SAMD8: variants seen among roughly 807,000 people sequenced by gnomAD.
SAMD8 encodes sphingomyelin synthase-related protein 1.
Under a neutral mutation model 42.0 loss-of-function variants are expected in SAMD8, and 20 were observed. The observed-to-expected ratio is 0.48, with a 90% CI of 0.34 to 0.69. The LOEUF (loss-of-function observed/expected upper bound fraction) is 0.69, where lower values mean the gene tolerates loss of function less well. Among genes scored for constraint, SAMD8 ranks in the 30% least tolerant of loss-of-function variants. SAMD8 has a pLI of 0.01. For synonymous variants in SAMD8, 162 were observed against 173.0 expected, an observed-to-expected ratio of 0.94 and a Z score of 0.50; for missense variants, 328 against 511.6, an observed-to-expected ratio of 0.64 and a Z score of 3.46.
rs200604495 is a variant in SAMD8 at position 75,168,543 on chromosome 10, C to T, written c.677C>T (p.Ser226Leu). Residue 226 changes from serine to leucine, a missense_variant and splice_region_variant, in exon 4 of 6, where the codon TCA becomes TTA. Transcript: ENST00000542569. The part of the protein sequence containing the change: ...LLVLLLHKHR[S>L]ILLRRLCSLM... ...CCTTTTTGGTTGATCTGTTACAGGT[C>T]AATACTTCTGCGAAGGCTCTGTAGT... 1 of 1,612,726 alleles carries T rather than the reference C, an allele frequency of 6.2e-7. No individual in the cohort carries two copies. Among genetic ancestry groups the T allele is most frequent in the African/African-American group, 1.3e-5 (1 of 74,960 alleles).
rs111959643 is a variant in SAMD8, at chr10:75,100,476, G to A, written c.-16+748G>A. Among the ~76,000 whole-genome samples the A allele has an allele frequency of 3.5e-3, 539 of 152,292 alleles. 2 individuals are homozygous for A. The highest frequency in any genetic ancestry group is 0.012 in the African/African-American group (514 of 41,562). Reference sequence around the variant, plus strand: ...TCCCTCCCAAGGAGGGGAAGTCGGTGGTTGTGGCAGCTCCGCCGGTTTCTG... The same window carrying A: ...TCCCTCCCAAGGAGGGGAAGTCGGTAGTTGTGGCAGCTCCGCCGGTTTCTG... On this transcript the variant is annotated intron_variant, in intron 1 of 3. Coordinates refer to the SAMD8 transcript ENST00000447533.
intron 1 of SAMD8, chr10:75,105,685 C>A: frequency 6.5e-7 from 1 of 1,549,454 alleles, no homozygotes; most frequent in Non-Finnish European, 8.7e-7. Flanking sequence ...CTGGCCGGCA[C>A]CCCGCAGTTG....
At chr10:75,173,590 A>G (rs1051127094) in intron 4 of SAMD8, among the ~76,000 whole-genome samples, 5 of 152,176 alleles carry the variant, frequency 3.3e-5, no homozygotes, top group Non-Finnish European at 4.4e-5. Flanking sequence ...TTTATTTACT[A>G]CATGATTTTT....
chr10:75,129,894 A>T (rs1048232515), intron 1 of SAMD8, among the ~76,000 whole-genome samples: 3 of 152,182 alleles, frequency 2.0e-5, no homozygotes, highest in Admixed American at 6.6e-5. Context: ...AAAAAGAAAC[A>T]AGAGCTAGGG....
chr10:75,140,088 C>G lies in SAMD8; in HGVS notation c.-15-10426C>G, dbSNP rs1245657879. 2.6e-5 allele frequency among the ~76,000 whole-genome samples: 4 copies of G among 152,160 alleles called. No individual in the cohort carries two copies. In the East Asian group the frequency reaches 7.7e-4, roughly 29 times the overall value. Reference sequence around the variant, plus strand: ...TTGCCTTTGCACATTTGTAGAAAATCAGATATCTATATATGTATAGGTTTG... The same window carrying G: ...TTGCCTTTGCACATTTGTAGAAAATGAGATATCTATATATGTATAGGTTTG... On this transcript the variant is annotated intron_variant, in intron 1 of 5. Transcript: ENST00000542569.
At chr10:75,175,012 A>G (rs1291947002) in intron 4 of SAMD8, among the ~76,000 whole-genome samples, 1 of 152,202 alleles carries the variant, frequency 6.6e-6, no homozygotes, top group Non-Finnish European at 1.5e-5. Context: ...CTGGTCTGCT[A>G]TCCCAATACT....
chr10:75,139,380 T>G (rs1839965803), intron 1 of SAMD8, among the ~76,000 whole-genome samples: 1 of 152,188 alleles, frequency 6.6e-6, no homozygotes, highest in South Asian at 2.1e-4. Context: ...GTTATTCCAC[T>G]TCTAGAAATT....
At chr10:75,135,088 A>G (rs2134451664) in intron 1 of SAMD8, among the ~76,000 whole-genome samples, 1 of 152,210 alleles carries the variant, frequency 6.6e-6, no homozygotes, top group Non-Finnish European at 1.5e-5. Flanking sequence ...CAAAAAACAA[A>G]TGATAACTTT....
intron 2 of SAMD8, among the ~76,000 whole-genome samples, chr10:75,153,350 C>T (rs1840336168): frequency 6.6e-6 from 1 of 152,048 alleles, no homozygotes; most frequent in Admixed American, 6.6e-5. Context: ...GGGCTCATAC[C>T]TGTGATCCCA....
chr10:75,153,834 G>T (rs1426417170), intron 2 of SAMD8, among the ~76,000 whole-genome samples: 1 of 150,220 alleles, frequency 6.7e-6, no homozygotes, highest in Non-Finnish European at 1.5e-5. Context: ...ACACAATCTC[G>T]GCTCACTGCA....
At chr10:75,152,446 C>G (rs1258319226) in intron 2 of SAMD8, among the ~76,000 whole-genome samples, 1 of 145,874 alleles carries the variant, frequency 6.9e-6, no homozygotes, top group Non-Finnish European at 1.5e-5. Flanking sequence ...GGCGTGAACC[C>G]GGGAGGCGGA....
chr10:75,149,582 G>A (rs1840232301), intron 1 of SAMD8, among the ~76,000 whole-genome samples: 1 of 152,148 alleles, frequency 6.6e-6, no homozygotes, highest in Non-Finnish European at 1.5e-5. Flanking sequence ...ATCATTATGT[G>A]TGCAGTAGTT....
intron 2 of SAMD8, among the ~76,000 whole-genome samples, chr10:75,155,981 C>T (rs895031771): frequency 4.6e-5 from 7 of 152,218 alleles, no homozygotes; most frequent in East Asian, 1.9e-4. Context: ...GAGACCCAGG[C>T]GGGAGGATTG....
At chr10:75,167,584 CT>C (rs1840717792) in intron 3 of SAMD8, among the ~76,000 whole-genome samples, 2 of 152,004 alleles carry the variant, frequency 1.3e-5, no homozygotes, top group African/African-American at 4.8e-5. Flanking sequence ...ACTTTACCTC[CT>C]TTTTTTGTTT....
chr10:75,171,409 C>T (rs551232040), intron 4 of SAMD8, among the ~76,000 whole-genome samples: 12 of 151,896 alleles, frequency 7.9e-5, no homozygotes, highest in South Asian at 6.3e-4. Flanking sequence ...CCTCATGATC[C>T]GCCCGCCTTG....
At chr10:75,121,990 C>G (rs138210579) in intron 1 of SAMD8, among the ~76,000 whole-genome samples, 229 of 152,254 alleles carry the variant, frequency 1.5e-3, no homozygotes, top group African/African-American at 5.3e-3. Flanking sequence ...CCATGCCCAG[C>G]GACTTTCTTA....
chr10:75,120,053 G>C (rs966964670), intron 1 of SAMD8, among the ~76,000 whole-genome samples: 40 of 152,188 alleles, frequency 2.6e-4, no homozygotes, highest in Non-Finnish European at 5.7e-4. Flanking sequence ...GGGCGACAGA[G>C]TGAGACACTG....
At chr10:75,123,883 G>A (rs566595579) in intron 1 of SAMD8, among the ~76,000 whole-genome samples, 4 of 151,874 alleles carry the variant, frequency 2.6e-5, no homozygotes, top group Admixed American at 6.6e-5. Flanking sequence ...ACACTCCACC[G>A]CGCCCAGGTA....
chr10:75,147,674 C>A (rs1840174560), intron 1 of SAMD8, among the ~76,000 whole-genome samples: 2 of 152,248 alleles, frequency 1.3e-5, no homozygotes, highest in Middle Eastern at 3.4e-3. Context: ...TATATCATAA[C>A]CACTACAGAG....
Sources: gnomAD v4.1 joint callset for allele counts (sites outside exome capture counted in the v4.1 genomes callset) on GRCh38, gnomAD v4.1.1 for gene constraint, MANE v1.5 for transcripts, NCBI Gene and HGNC (gene_info 2026-07-23, HGNC 2026-07-21) for gene names.